PPEF1: variants seen among roughly 807,000 people sequenced by gnomAD.
PPEF1 encodes serine/threonine-protein phosphatase with EF-hands 1.
A neutral mutation model predicts 53.3 loss-of-function variants in PPEF1; 12 were observed. The observed-to-expected ratio is 0.23, with a 90% CI of 0.14 to 0.36. The LOEUF is 0.36. Ranked by LOEUF, PPEF1 falls within the 10% of genes least tolerant of loss-of-function variation. PPEF1 has a pLI of 1.00. For synonymous variants in PPEF1, 165 were observed against 176.7 expected (o/e 0.93, Z 0.52); for missense variants, 334 against 490.4 (o/e 0.68, Z 3.01).
chrX:18,694,674 T>G (rs758705748), intron 4 of PPEF1, among the ~76,000 whole-genome samples: 1 of 111,853 alleles, frequency 8.9e-6, no homozygotes, highest in Non-Finnish European at 1.9e-5. Context: ...AAAGTTGAAG[T>G]TGCAGTGAGC....
chrX:18,687,316 G>A (rs1929127601), intron 3 of PPEF1, among the ~76,000 whole-genome samples: 1 of 111,158 alleles, frequency 9.0e-6, no homozygotes, highest in African/African-American at 3.3e-5. Flanking sequence ...GGACAGTAAT[G>A]ATCAGTGGCT....
intron 2 of PPEF1, among the ~76,000 whole-genome samples, chrX:18,732,455 G>A (rs945706860): frequency 1.8e-5 from 2 of 112,146 alleles, no homozygotes; most frequent in African/African-American, 3.2e-5. Flanking sequence ...CAGCTCCATC[G>A]TTTTACCTTC....
At chrX:18,748,887 G>A (rs1488610464) in intron 3 of PPEF1, among the ~76,000 whole-genome samples, 1 of 112,148 alleles carries the variant, frequency 8.9e-6, no homozygotes, top group Non-Finnish European at 1.9e-5. Context: ...CTTTAGGCCA[G>A]TACAAGTCAT....
chrX:18,755,020 G>A lies in PPEF1; in HGVS notation c.397-2607G>A, dbSNP rs2045517369. Among the ~76,000 whole-genome samples, 3 of 111,547 alleles carry A rather than the reference G, an allele frequency of 2.7e-5. No homozygotes were observed. The Admixed American group carries it at 2.8e-4, about 11-fold the overall frequency. On this transcript the variant is annotated intron_variant, in intron 4 of 15. Transcript: ENST00000470157. Reference sequence around the variant, plus strand: ...TGGAAACAGACCTGTAGGGTATTTGGTTAGTGGCATTATCAGACTCTGAGT... The same window carrying A: ...TGGAAACAGACCTGTAGGGTATTTGATTAGTGGCATTATCAGACTCTGAGT...
chrX:18,787,380 G>C (rs6633139), intron 9 of PPEF1, among the ~76,000 whole-genome samples: 25,429 of 110,139 alleles, frequency 0.23, 2,644 homozygotes, highest in South Asian at 0.43. Context: ...GTTGAGGGGG[G>C]TCAATGCAGA....
upstream of PPEF1, among the ~76,000 whole-genome samples, chrX:18,704,796 A>G (rs1489610472): frequency 9.0e-6 from 1 of 111,349 alleles, no homozygotes; most frequent in East Asian, 2.8e-4. Context: ...AATTATGTCA[A>G]ATTATCTGGG....
intron 1 of PPEF1, among the ~76,000 whole-genome samples, chrX:18,711,384 A>G (rs5909207): frequency 0.03 from 3,325 of 110,450 alleles, 65 homozygotes; most frequent in Middle Eastern, 0.065. Flanking sequence ...CTACTTGGGT[A>G]ATGGTTACGC....
chrX:18,757,742 G>T lies in PPEF1; in HGVS notation c.511+1G>T. On this transcript the variant is annotated splice_donor_variant, in intron 5 of 15. Coordinates refer to ENST00000470157, the MANE Select transcript of PPEF1 (RefSeq NM_001377996.1). LOFTEE classifies it high-confidence loss of function. ...CCCTCCAAAGAGGTAACAATCTGTG[G>T]TAAGTTTCAGAGCAGAGTTGTCCAA... The T allele has an allele frequency of 3.4e-6, 4 of 1,183,374 alleles. 1 individual carries two copies. Among genetic ancestry groups the T allele is most frequent in the Non-Finnish European group, 4.6e-6 (4 of 869,849 alleles).
intron 3 of PPEF1, among the ~76,000 whole-genome samples, chrX:18,738,941 G>A (rs745983410): frequency 4.5e-5 from 5 of 111,983 alleles, no homozygotes; most frequent in Admixed American, 2.9e-4. Context: ...TTGTGCATGC[G>A]TCATGTAATT....
intron 1 of PPEF1, among the ~76,000 whole-genome samples, chrX:18,684,312 G>A (rs1928984375): frequency 9.0e-6 from 1 of 111,658 alleles, no homozygotes; most frequent in Admixed American, 9.6e-5. Context: ...TCCTAATGTA[G>A]GATGTTACTA....
chrX:18,797,623 A>G (rs2046456681), intron 10 of PPEF1, among the ~76,000 whole-genome samples: 2 of 111,935 alleles, frequency 1.8e-5, no homozygotes, highest in African/African-American at 3.2e-5. Context: ...CAGAGCTTAC[A>G]TTTTAGGGGG....
chrX:18,793,895 TCA>T (rs1297324493), intron 10 of PPEF1, among the ~76,000 whole-genome samples: 1 of 111,636 alleles, frequency 9.0e-6, no homozygotes, highest in Non-Finnish European at 1.9e-5. Context: ...ATGTCACTCT[TCA>T]CAGAGTGCTG....
At chrX:18,778,404 A>G (rs1409970158) in intron 6 of PPEF1, among the ~76,000 whole-genome samples, 3 of 111,709 alleles carry the variant, frequency 2.7e-5, no homozygotes, top group Non-Finnish European at 5.6e-5. Flanking sequence ...GTCAGTGATC[A>G]CTGAGAATAT....
At chrX:18,746,234 A>G (rs1020588415) in intron 3 of PPEF1, among the ~76,000 whole-genome samples, 4 of 112,396 alleles carry the variant, frequency 3.6e-5, no homozygotes, top group African/African-American at 1.3e-4. Flanking sequence ...TATTAGTTAT[A>G]ATAGTTCTAG....
intron 15 of PPEF1, among the ~76,000 whole-genome samples, chrX:18,826,969 T>G (rs1399683594): frequency 9.0e-6 from 1 of 111,417 alleles, no homozygotes; most frequent in Non-Finnish European, 1.9e-5. Flanking sequence ...TCCATGCACC[T>G]CACCTTTCTA....
At chrX:18,791,746 A>G (rs1474061711) in intron 10 of PPEF1, among the ~76,000 whole-genome samples, 2 of 111,667 alleles carry the variant, frequency 1.8e-5, no homozygotes, top group East Asian at 2.8e-4. Flanking sequence ...AAGAGAGTAG[A>G]TGTCTTTGTC....
At chrX:18,773,862 C>T (rs2045917383) in intron 6 of PPEF1, among the ~76,000 whole-genome samples, 1 of 111,191 alleles carries the variant, frequency 9.0e-6, no homozygotes, top group Admixed American at 9.6e-5. Context: ...CTCTTCTCAC[C>T]TCCCCTGTAA....
intron 12 of PPEF1, among the ~76,000 whole-genome samples, chrX:18,807,658 T>G (rs758348994): frequency 1.8e-5 from 2 of 111,880 alleles, no homozygotes; most frequent in African/African-American, 6.5e-5. Context: ...CGATAAACAA[T>G]GTACATACTT....
intron 3 of PPEF1, 32 bp downstream of exon 3, chrX:18,733,840 T>A (rs772569040): frequency 1.3e-5 from 14 of 1,066,445 alleles, no homozygotes; most frequent in Non-Finnish European, 1.8e-5. Context: ...TTCAAATGTG[T>A]CATTAAATAT....
Sources: gnomAD v4.1 joint callset for allele counts (sites outside exome capture counted in the v4.1 genomes callset) on GRCh38, gnomAD v4.1.1 for gene constraint, MANE v1.5 for transcripts, NCBI Gene and HGNC (gene_info 2026-07-23, HGNC 2026-07-21) for gene names.